Variants in SH3BP5 observed in about 807,000 individuals in gnomAD.
SH3BP5 encodes SH3 domain-binding protein 5.
Under a neutral mutation model 43.3 loss-of-function variants are expected in SH3BP5, and 22 were observed. The ratio of observed to expected loss-of-function variants is 0.51; its 90% confidence interval spans 0.36 to 0.73. SH3BP5 has a LOEUF of 0.73. Among genes scored for constraint, SH3BP5 ranks in the 30% least tolerant of loss-of-function variants. The probability of loss-of-function intolerance (pLI) is 0.00; values close to 1 mark genes in which losing one functional copy is unlikely to be tolerated. For missense variants in SH3BP5, 529 were observed against 586.9 expected (o/e 0.90, Z 1.02); for synonymous variants, 255 against 225.8 (o/e 1.13, Z -1.16).
intron 3 of SH3BP5, among the ~76,000 whole-genome samples, chr3:15,299,969 T>C (rs1218194034): frequency 6.6e-6 from 1 of 152,120 alleles, no homozygotes; most frequent in Non-Finnish European, 1.5e-5. Flanking sequence ...TACAAATAAC[T>C]TTTTGCTCTC....
chr3:15,308,152 C>A (rs1697961397), intron 2 of SH3BP5, among the ~76,000 whole-genome samples: 1 of 152,212 alleles, frequency 6.6e-6, no homozygotes, highest in Admixed American at 6.5e-5. Context: ...TGCCCAGCCG[C>A]TAAAGATATC....
chr3:15,284,393 C>T (rs1213737565), intron 3 of SH3BP5, among the ~76,000 whole-genome samples: 2 of 152,226 alleles, frequency 1.3e-5, no homozygotes, highest in African/African-American at 4.8e-5. Flanking sequence ...AGCTTTCTCA[C>T]CACCTGCCCA....
rs568539587 is a variant in SH3BP5 at position 15,305,072 on chromosome 3, G to A, written c.202-841C>T. Among the ~76,000 whole-genome samples the A allele has an allele frequency of 3.3e-4, 49 of 146,948 alleles. No individual in the cohort carries two copies. The East Asian group carries it at 7.8e-3, about 23-fold the overall frequency. ...GCAGAGGTTGCAGTGAGCCGAGATCGTGCCACTGCACTGCAGCCTGGGTGA... is the reference window on the plus strand; with the variant it reads ...GCAGAGGTTGCAGTGAGCCGAGATCATGCCACTGCACTGCAGCCTGGGTGA... On this transcript the variant is annotated intron_variant, in intron 2 of 8. Coordinates refer to ENST00000383791, the MANE Select transcript of SH3BP5 (RefSeq NM_004844.5).
chr3:15,260,723 T>A (rs897736982), intron 5 of SH3BP5: 1 of 152,180 alleles, frequency 6.6e-6, no homozygotes, highest in Non-Finnish European at 1.5e-5. Flanking sequence ...AAAAGGAACA[T>A]GAGCATCCAT....
chr3:15,254,910 G>A lies in SH3BP5; in HGVS notation c.*1176C>T, dbSNP rs549083065. The stretch of plus-strand genomic sequence containing the variant: ...ATTAAGACAAGTACAAAATAACCTT[G>A]TAATTAAGATACTGTATCAGTCAAA... On this transcript the variant is annotated 3_prime_UTR_variant, in exon 9 of 9. Transcript: ENST00000383791. 2 of 152,240 alleles carry A rather than the reference G, an allele frequency of 1.3e-5. No homozygotes were observed. Among genetic ancestry groups the A allele is most frequent in the South Asian group, 4.1e-4 (2 of 4,820 alleles). The allele number at this position is 152,240 out of a possible 1,614,324, so 9.4% of individuals were successfully genotyped here.
chr3:15,262,085 T>A, intron 5 of SH3BP5, 74 bp downstream of exon 5: 1 of 1,571,742 alleles, frequency 6.4e-7, no homozygotes, highest in Non-Finnish European at 8.7e-7. Context: ...CTTGAGTGTG[T>A]GACATACAAA....
intron 3 of SH3BP5, among the ~76,000 whole-genome samples, chr3:15,296,341 TACACACACAC>T (rs141504303): frequency 1.4e-5 from 2 of 146,262 alleles, no homozygotes; most frequent in East Asian, 2.0e-4. Context: ...GGAAATCATA[TACACACACAC>T]ACACACACAC....
chr3:15,307,685 G>A (rs1217879339), intron 2 of SH3BP5, among the ~76,000 whole-genome samples: 3 of 152,194 alleles, frequency 2.0e-5, no homozygotes, highest in African/African-American at 2.4e-5. Flanking sequence ...TCCCAGAGGC[G>A]AGGGCAGCTG....
In SH3BP5 at chr3:15,280,166, G is replaced by A. The variant is rs536928545; in HGVS notation, c.331-10289C>T. Among the ~76,000 whole-genome samples the A allele has an allele frequency of 7.9e-5, 12 of 152,180 alleles. No individual in the cohort carries two copies. The South Asian group carries it at 2.1e-3, about 26-fold the overall frequency. ...CTACACACAGCAGGCCTCCGGGAAC[G>A]ACGCATCCCAAATCAAATCCTTCCT... On this transcript the variant is annotated intron_variant, in intron 3 of 8. Coordinates refer to ENST00000383791, the MANE Select transcript of SH3BP5 (RefSeq NM_004844.5).
At chr3:15,289,751 G>A (rs1322266955) in intron 3 of SH3BP5, among the ~76,000 whole-genome samples, 1 of 152,136 alleles carries the variant, frequency 6.6e-6, no homozygotes, top group African/African-American at 2.4e-5. Context: ...AGGCAGAAGA[G>A]GAGCCTACAT....
intron 1 of SH3BP5, among the ~76,000 whole-genome samples, chr3:15,331,346 G>A (rs1698604205): frequency 6.6e-6 from 1 of 152,104 alleles, no homozygotes; most frequent in Non-Finnish European, 1.5e-5. Context: ...AGTTAAGTGA[G>A]CTTTTAAATT....
At chr3:15,324,020 T>C (rs527253368) in intron 2 of SH3BP5, among the ~76,000 whole-genome samples, 198 of 152,276 alleles carry the variant, frequency 1.3e-3, no homozygotes, top group Non-Finnish European at 2.3e-3. Context: ...AAGTCAGAGC[T>C]ATGGGGGCAG....
chr3:15,269,815 G>T lies in SH3BP5; in HGVS notation c.393C>A (p.Ala131=). Residue 131 remains alanine (A), a synonymous_variant, in exon 4 of 9, where the codon GCC becomes GCA. Coordinates refer to ENST00000383791, the MANE Select transcript of SH3BP5 (RefSeq NM_004844.5). Reference sequence around the variant, plus strand: ...CGGCCAGGGAGATGGTCTCCTTGGCGGCACGGAGCACCTCTGTGGCCCTCT... The same window carrying T: ...CGGCCAGGGAGATGGTCTCCTTGGCTGCACGGAGCACCTCTGTGGCCCTCT... ...DFQRATEVLR[A]AKETISLAEQ... 6.2e-7 allele frequency: 1 copy of T among 1,609,752 alleles called. No individual in the cohort carries two copies. Among genetic ancestry groups the T allele is most frequent in the South Asian group, 1.1e-5 (1 of 90,830 alleles).
intron 3 of SH3BP5, among the ~76,000 whole-genome samples, chr3:15,272,386 TGTG>T (rs2125067574): frequency 6.6e-6 from 1 of 152,200 alleles, no homozygotes; most frequent in African/African-American, 2.4e-5. Context: ...TGGCAGGGAA[TGTG>T]AAGGAGAAAT....
At position 15,274,464 on chromosome 3, in the gene SH3BP5, G is replaced by A. The variant is rs921696453; in HGVS notation, c.331-4587C>T. Among the ~76,000 whole-genome samples the A allele has an allele frequency of 9.9e-5, 15 of 152,124 alleles. 1 individual carries two copies. Among genetic ancestry groups the A allele is most frequent in the Admixed American group, 8.5e-4 (13 of 15,272 alleles). On this transcript the variant is annotated intron_variant, in intron 3 of 8. Coordinates refer to ENST00000383791, the MANE Select transcript of SH3BP5 (RefSeq NM_004844.5). Reference sequence around the variant, plus strand: ...AAGTGCCTGGACTTGGATCCTGGGTGCGGGGAAAGTGCTACACACTTTTTT... The same window carrying A: ...AAGTGCCTGGACTTGGATCCTGGGTACGGGGAAAGTGCTACACACTTTTTT...
intron 5 of SH3BP5, chr3:15,260,094 C>T (rs952312579): frequency 2.2e-5 from 10 of 461,738 alleles, no homozygotes; most frequent in African/African-American, 4.0e-5. Context: ...GCTCATGTTC[C>T]TCCTCTGTGG....
intron 5 of SH3BP5, chr3:15,260,033 C>T: frequency 1.7e-6 from 1 of 573,236 alleles, no homozygotes; most frequent in East Asian, 3.0e-5. Context: ...GGAGGCCCAT[C>T]TCAAGACACG....
chr3:15,316,512 A>T (rs1698189871), intron 2 of SH3BP5, among the ~76,000 whole-genome samples: 1 of 152,078 alleles, frequency 6.6e-6, no homozygotes, highest in East Asian at 1.9e-4. Context: ...TGTGAACCAC[A>T]TACCCAGCCA....
At chr3:15,279,066 G>T (rs1697048976) in intron 3 of SH3BP5, among the ~76,000 whole-genome samples, 1 of 152,002 alleles carries the variant, frequency 6.6e-6, no homozygotes, top group African/African-American at 2.4e-5. Context: ...GCTACTCAGG[G>T]GGCTGAGGCA....
Sources: allele counts gnomAD v4.1 joint callset (sites outside exome capture counted in the v4.1 genomes callset), GRCh38; gene constraint gnomAD v4.1.1; transcripts MANE v1.5; gene names NCBI Gene and HGNC (gene_info 2026-07-23, HGNC 2026-07-21).